The following KCNIP4 variants were observed in gnomAD, a reference collection of about 807,000 sequenced individuals.
KCNIP4 encodes potassium voltage-gated channel interacting protein 4.
In KCNIP4, 12 loss-of-function variants were observed where a neutral mutation model predicts 34.0. That is an observed-to-expected ratio of 0.35 (90% CI 0.23 to 0.57). The LOEUF is 0.57. Ranked by LOEUF, KCNIP4 falls within the 20% of genes least tolerant of loss-of-function variation. The probability of loss-of-function intolerance (pLI) is 0.83; values close to 1 mark genes in which losing one functional copy is unlikely to be tolerated. For synonymous variants in KCNIP4, 124 were observed against 102.2 expected (o/e 1.21, Z -1.29); for missense variants, 238 against 311.7 (o/e 0.76, Z 1.78).
At chr4:21,718,443 A>G (rs1714552634) in intron 1 of KCNIP4, 1 of 152,164 alleles carries the variant, frequency 6.6e-6, no homozygotes, top group Non-Finnish European at 1.5e-5. Context: ...AATAATACTG[A>G]AAGGTTTTTT....
intron 1 of KCNIP4, among the ~76,000 whole-genome samples, chr4:21,482,735 A>G (rs1193611426): frequency 2.0e-5 from 3 of 151,858 alleles, no homozygotes; most frequent in Non-Finnish European, 4.4e-5. Flanking sequence ...CTCTCTGGCT[A>G]CCCTTAACAT....
chr4:20,947,828 T>A (rs999535654), intron 1 of KCNIP4, among the ~76,000 whole-genome samples: 1 of 152,150 alleles, frequency 6.6e-6, no homozygotes, highest in Non-Finnish European at 1.5e-5. Flanking sequence ...TATTCCTCAT[T>A]TACATCCCTA....
intron 1 of KCNIP4, among the ~76,000 whole-genome samples, chr4:21,837,532 CA>C (rs60449238): frequency 1.7e-4 from 13 of 78,524 alleles, no homozygotes; most frequent in South Asian, 6.6e-4. Flanking sequence ...AAAACGCTGT[CA>C]AAAAAAAAAA....
intron 1 of KCNIP4, among the ~76,000 whole-genome samples, chr4:21,686,237 A>T (rs979802572): frequency 3.3e-5 from 5 of 152,172 alleles, no homozygotes; most frequent in Non-Finnish European, 7.3e-5. Context: ...CGGAAGATTT[A>T]CTACTTTCTC....
In KCNIP4 at chr4:21,147,939, C is replaced by CAAAA. The variant is rs377562727; in HGVS notation, c.62-265234_62-265231dup. ...GGACAACAAAAGTGAAACTCCGTCT[C>CAAAA]AAAAAAAAAAAAAAAAAAAAAGAAA... On this transcript the variant is annotated intron_variant, in intron 1 of 8. Coordinates refer to ENST00000382152, the MANE Select transcript of KCNIP4 (RefSeq NM_025221.6). 1.5e-3 allele frequency among the ~76,000 whole-genome samples: 47 copies of CAAAA among 30,986 alleles called. 1 individual carries two copies. Among genetic ancestry groups the CAAAA allele is most frequent in the African/African-American group, 2.9e-3 (25 of 8,594 alleles). 20.3% of individuals were successfully genotyped at this position (30,986 alleles called of 152,430 possible). A position where few individuals can be genotyped will look rare whatever the true frequency, so the allele number is the denominator to read the frequency against.
intron 1 of KCNIP4, among the ~76,000 whole-genome samples, chr4:21,010,839 G>T (rs1388391753): frequency 6.6e-6 from 1 of 152,078 alleles, no homozygotes; most frequent in Non-Finnish European, 1.5e-5. Flanking sequence ...GACTGTCTTT[G>T]CACACTTGGA....
intron 1 of KCNIP4, among the ~76,000 whole-genome samples, chr4:21,368,120 T>C (rs1344713517): frequency 2.7e-5 from 4 of 146,976 alleles, no homozygotes; most frequent in East Asian, 4.0e-4. Context: ...TCACTTTTAG[T>C]TGGGGAGTCT....
At chr4:21,270,397 G>T (rs1762071091) in intron 1 of KCNIP4, among the ~76,000 whole-genome samples, 1 of 151,708 alleles carries the variant, frequency 6.6e-6, no homozygotes, top group East Asian at 1.9e-4. Flanking sequence ...GAGGAGTGCT[G>T]CTGAGGGTTG....
At chr4:21,107,826 C>T (rs1316358732) in intron 1 of KCNIP4, among the ~76,000 whole-genome samples, 1 of 151,284 alleles carries the variant, frequency 6.6e-6, no homozygotes, top group Non-Finnish European at 1.5e-5. Context: ...ATTTGCTTGT[C>T]TGTAAAGTAT....
intron 1 of KCNIP4, among the ~76,000 whole-genome samples, chr4:21,943,581 C>T (rs1730320549): frequency 6.6e-6 from 1 of 151,994 alleles, no homozygotes; most frequent in African/African-American, 2.4e-5. Context: ...TGTTTGGAGA[C>T]CAGGGAACAG....
chr4:21,412,654 GT>G (rs1455349501), intron 1 of KCNIP4, among the ~76,000 whole-genome samples: 2 of 152,130 alleles, frequency 1.3e-5, no homozygotes, highest in African/African-American at 4.8e-5. Context: ...CATCTCATTT[GT>G]TTCTATGATA....
At chr4:21,833,030 C>G (rs360691) in intron 1 of KCNIP4, among the ~76,000 whole-genome samples, 86,169 of 142,848 alleles carry the variant, frequency 0.6, 27,501 homozygotes, top group African/African-American at 0.79. Flanking sequence ...TTGCTATTGT[C>G]AATAATGCTG....
intron 3 of KCNIP4, among the ~76,000 whole-genome samples, chr4:20,802,243 T>C (rs144203807): frequency 4.4e-4 from 64 of 145,186 alleles, no homozygotes; most frequent in African/African-American, 1.5e-3. Context: ...ACATATATGC[T>C]ATATATATGC....
intron 1 of KCNIP4, among the ~76,000 whole-genome samples, chr4:21,297,901 T>C (rs1025233539): frequency 6.6e-6 from 1 of 152,104 alleles, no homozygotes; most frequent in Non-Finnish European, 1.5e-5. Context: ...CTTTTATGTA[T>C]CTCTGTATGT....
At chr4:21,195,034 G>T (rs1755955782) in intron 1 of KCNIP4, among the ~76,000 whole-genome samples, 1 of 152,114 alleles carries the variant, frequency 6.6e-6, no homozygotes, top group Non-Finnish European at 1.5e-5. Context: ...GCTTCTCAAA[G>T]GGAAACTTCT....
chr4:21,932,574 A>C (rs1007129787), intron 1 of KCNIP4, among the ~76,000 whole-genome samples: 2 of 152,064 alleles, frequency 1.3e-5, no homozygotes, highest in Non-Finnish European at 2.9e-5. Context: ...TTATACTAGT[A>C]AAGCATAAAG....
At chr4:20,887,288 A>G (rs1725420868) in intron 1 of KCNIP4, among the ~76,000 whole-genome samples, 1 of 151,876 alleles carries the variant, frequency 6.6e-6, no homozygotes, top group African/African-American at 2.4e-5. Context: ...AGGTATAATT[A>G]AAGAACATAA....
intron 1 of KCNIP4, among the ~76,000 whole-genome samples, chr4:21,078,083 GTGA>G (rs925290927): frequency 3.8e-4 from 58 of 152,150 alleles, no homozygotes; most frequent in African/African-American, 1.4e-3. Flanking sequence ...TGAGCAGAGG[GTGA>G]TGATGACATA....
intron 1 of KCNIP4, among the ~76,000 whole-genome samples, chr4:21,298,304 C>G (rs552395076): frequency 6.6e-6 from 1 of 152,204 alleles, no homozygotes; most frequent in South Asian, 2.1e-4. Flanking sequence ...CCATCTTCAT[C>G]AAGCCTTAAA....
Sources: gnomAD v4.1 joint callset for allele counts (sites outside exome capture counted in the v4.1 genomes callset) on GRCh38, gnomAD v4.1.1 for gene constraint, MANE v1.5 for transcripts, NCBI Gene and HGNC (gene_info 2026-07-23, HGNC 2026-07-21) for gene names.